The following PDE7B variants were observed in gnomAD, a reference collection of about 807,000 sequenced individuals.
The protein encoded by PDE7B is phosphodiesterase 7B.
Under a neutral mutation model 56.2 loss-of-function variants are expected in PDE7B, and 29 were observed. The ratio of observed to expected loss-of-function variants is 0.52; its 90% CI spans 0.38 to 0.70. PDE7B has a LOEUF of 0.70. Among genes scored for constraint, PDE7B ranks in the 30% least tolerant of loss-of-function variants. The probability of loss-of-function intolerance (pLI) is 0.00; values close to 1 mark genes in which losing one functional copy is unlikely to be tolerated. For synonymous variants in PDE7B, 197 were observed against 196.9 expected (o/e 1.00, Z 0.00); for missense variants, 490 against 565.0 (o/e 0.87, Z 1.35).
chr6:136,069,001 A>G (rs1024113696), intron 2 of PDE7B, among the ~76,000 whole-genome samples: 2 of 152,102 alleles, frequency 1.3e-5, no homozygotes, highest in Non-Finnish European at 2.9e-5. Flanking sequence ...TCTCTGTTTT[A>G]ATGTCAGTGC....
intron 1 of PDE7B, among the ~76,000 whole-genome samples, chr6:135,885,360 C>T (rs189906241): frequency 7.9e-5 from 12 of 150,952 alleles, no homozygotes; most frequent in African/African-American, 2.7e-4. Context: ...CTGCCACTAC[C>T]GTGGCCCAGG....
chr6:135,981,533 A>C (rs1477054472), intron 2 of PDE7B, among the ~76,000 whole-genome samples: 2 of 150,712 alleles, frequency 1.3e-5, no homozygotes, highest in Non-Finnish European at 3.0e-5. Context: ...ACTACTTTTC[A>C]ATTTCAAAAA....
chr6:136,039,129 A>G (rs1006207047), intron 2 of PDE7B, among the ~76,000 whole-genome samples: 5 of 152,182 alleles, frequency 3.3e-5, no homozygotes, highest in Non-Finnish European at 5.9e-5. Context: ...ACAAATGTGG[A>G]AATAATGATT....
In PDE7B at chr6:136,087,691, C is replaced by T. The variant is rs140515119; in HGVS notation, c.83-21040C>T. On this transcript the variant is annotated intron_variant, in intron 2 of 12. Transcript: ENST00000308191. Reference sequence around the variant, plus strand: ...GCAAAGCTTTCTAATTAAACAGCATCGGCTTCTCTAGAAGGAAGGTGAAAA... The same window carrying T: ...GCAAAGCTTTCTAATTAAACAGCATTGGCTTCTCTAGAAGGAAGGTGAAAA... 1.1e-3 allele frequency among the ~76,000 whole-genome samples: 168 copies of T among 152,290 alleles called. 1 individual carries two copies. Among genetic ancestry groups the T allele is most frequent in the Non-Finnish European group, 1.9e-3 (127 of 68,034 alleles).
Position 136,192,362 on chromosome 6 carries a change from T to TAAC in PDE7B, c.*523_*525dup, listed in dbSNP as rs1779244791. 1 of 152,138 alleles carries TAAC rather than the reference T, an allele frequency of 6.6e-6. No homozygotes were observed. The highest frequency in any genetic ancestry group is 6.5e-5 in the Admixed American group (1 of 15,276). 9.4% of individuals were successfully genotyped at this position (152,138 alleles called of 1,614,324 possible). ...TTATTATAAAAATAATAAATCTTTT[T>TAAC]AACTTTTATATTTTATGCACTAGAC... On this transcript the variant is annotated 3_prime_UTR_variant, in exon 13 of 13. Coordinates refer to ENST00000308191, the MANE Select transcript of PDE7B (RefSeq NM_018945.4).
At chr6:136,174,884 A>T (rs1363175732) in intron 9 of PDE7B, among the ~76,000 whole-genome samples, 2 of 152,356 alleles carry the variant, frequency 1.3e-5, no homozygotes, top group East Asian at 3.9e-4. Context: ...TTACTAGAAT[A>T]ATAAATTGCA....
chr6:136,071,211 C>T (rs528240836), intron 2 of PDE7B: 1 of 152,344 alleles, frequency 6.6e-6, no homozygotes, highest in Non-Finnish European at 1.5e-5. Flanking sequence ...GTACTGACTT[C>T]TCTCATGACA....
chr6:135,928,487 TTATATA>T (rs377734996), intron 1 of PDE7B, among the ~76,000 whole-genome samples: 1 of 85,536 alleles, frequency 1.2e-5, no homozygotes, highest in Admixed American at 1.8e-4. Context: ...ATATATTTAT[TTATATA>T]TATATATTTA....
intron 3 of PDE7B, among the ~76,000 whole-genome samples, chr6:136,109,293 T>A (rs921611174): frequency 1.3e-5 from 2 of 152,214 alleles, no homozygotes; most frequent in Non-Finnish European, 2.9e-5. Flanking sequence ...GAGCCAGGAT[T>A]GCACCACTGC....
At chr6:135,941,320 T>G (rs2128198650) in intron 1 of PDE7B, among the ~76,000 whole-genome samples, 1 of 152,374 alleles carries the variant, frequency 6.6e-6, no homozygotes, top group African/African-American at 2.4e-5. Flanking sequence ...GTTGATTTTG[T>G]TTTAACATGC....
chr6:135,937,183 T>C (rs969701650), intron 1 of PDE7B, among the ~76,000 whole-genome samples: 1 of 152,242 alleles, frequency 6.6e-6, no homozygotes, highest in Non-Finnish European at 1.5e-5. Context: ...TCAGCAAACG[T>C]GGCTGCTGCG....
At chr6:136,143,891 C>T (rs1034297516) in intron 3 of PDE7B, among the ~76,000 whole-genome samples, 2 of 151,964 alleles carry the variant, frequency 1.3e-5, no homozygotes, top group African/African-American at 4.8e-5. Context: ...CAATTTGCTA[C>T]ATTTGTGGCA....
At chr6:136,032,117 GCAAT>G (rs1465400091) in intron 2 of PDE7B, among the ~76,000 whole-genome samples, 1 of 152,140 alleles carries the variant, frequency 6.6e-6, no homozygotes, top group East Asian at 1.9e-4. Context: ...TCAGTTAGGA[GCAAT>G]CAAAGTTATA....
At chr6:136,164,093 A>G (rs994780304) in intron 8 of PDE7B, among the ~76,000 whole-genome samples, 4 of 152,160 alleles carry the variant, frequency 2.6e-5, no homozygotes, top group Non-Finnish European at 4.4e-5. Context: ...TCATGTTGCT[A>G]TAAGGACATA....
In PDE7B at chr6:136,155,677, A is replaced by T. The variant is rs896110320; in HGVS notation, c.630A>T (p.Ala210=). The T allele has an allele frequency of 1.2e-6, 2 of 1,613,432 alleles. No homozygotes were observed. The highest frequency in any genetic ancestry group is 2.7e-5 in the African/African-American group (2 of 74,912). Residue 210 remains alanine, a synonymous_variant, in exon 8 of 13, where the codon GCA becomes GCT. Transcript: ENST00000308191. The part of the protein sequence containing the change: ...PLDIMLGLLA[A]AAHDVDHPGV... ...ACATCATGCTTGGACTGCTGGCTGCAGCAGCACACGATGTGGACCACCCAG... is the reference window on the plus strand; with the variant it reads ...ACATCATGCTTGGACTGCTGGCTGCTGCAGCACACGATGTGGACCACCCAG...
chr6:135,972,314 C>T (rs911035341), intron 2 of PDE7B, among the ~76,000 whole-genome samples: 1 of 147,848 alleles, frequency 6.8e-6, no homozygotes, highest in Non-Finnish European at 1.5e-5. Flanking sequence ...GGGTCATGAG[C>T]TTTGATGTTA....
intron 2 of PDE7B, among the ~76,000 whole-genome samples, chr6:136,091,278 T>C (rs935714538): frequency 6.6e-6 from 1 of 152,230 alleles, no homozygotes; most frequent in Non-Finnish European, 1.5e-5. Flanking sequence ...GAGAGTAGAA[T>C]GTTAGCCTAA....
intron 2 of PDE7B, among the ~76,000 whole-genome samples, chr6:136,010,371 T>TCATCCCATTA (rs1385084934): frequency 6.6e-6 from 1 of 151,362 alleles, no homozygotes; most frequent in Non-Finnish European, 1.5e-5. Flanking sequence ...GCATTGGATG[T>TCATCCCATTA]CATCCCATTA....
chr6:136,175,978 G>T (rs575581834), intron 9 of PDE7B, among the ~76,000 whole-genome samples: 3 of 152,098 alleles, frequency 2.0e-5, no homozygotes, highest in African/African-American at 7.2e-5. Context: ...TGACATATAT[G>T]TATGTATATA....
Sources: allele counts gnomAD v4.1 joint callset (sites outside exome capture counted in the v4.1 genomes callset), GRCh38; gene constraint gnomAD v4.1.1; transcripts MANE v1.5; gene names NCBI Gene and HGNC (gene_info 2026-07-23, HGNC 2026-07-21).